The following TBL1Y variants were observed in gnomAD, a reference collection of about 807,000 sequenced individuals.
TBL1Y encodes the protein transducin beta like 1 Y-linked.
In TBL1Y, 15 loss-of-function variants were observed where a neutral mutation model predicts 12.0. The ratio of observed to expected loss-of-function variants is 1.25; its 90% CI spans 0.83 to 1.92. The LOEUF (loss-of-function observed/expected upper bound fraction) is 1.92, where lower values mean the gene tolerates loss of function less well. TBL1Y is among the 40% of genes most tolerant of loss of function. The pLI, the probability that TBL1Y is intolerant of heterozygous loss-of-function variation, is 0.00. For missense variants in TBL1Y, 148 were observed against 116.7 expected (o/e 1.27, Z -1.24); for synonymous variants, 53 against 42.6 (o/e 1.24, Z -0.95).
chrY:6,941,277 T>G, intron 2 of TBL1Y, among the ~76,000 whole-genome samples: 2 of 33,025 alleles, frequency 6.1e-5, no homozygotes, highest in African/African-American at 1.2e-4. Flanking sequence ...TCCCAGCACT[T>G]TGGGAGGCAC....
At chrY:7,018,227 G>A (rs1603038901) in intron 4 of TBL1Y, among the ~76,000 whole-genome samples, 1 of 33,375 alleles carries the variant, frequency 3.0e-5, no homozygotes, top group African/African-American at 1.2e-4. Flanking sequence ...TGTGGTAGAG[G>A]GCTTCTGAAA....
intron 6 of TBL1Y, among the ~76,000 whole-genome samples, chrY:7,026,931 T>C (rs2012628643): frequency 3.0e-5 from 1 of 33,461 alleles, no homozygotes; most frequent in Non-Finnish European, 7.4e-5. Context: ...TGTGGTACTT[T>C]CTTTTTTTGA....
intron 7 of TBL1Y, among the ~76,000 whole-genome samples, chrY:7,062,641 T>C: frequency 3.0e-5 from 1 of 33,093 alleles, no homozygotes; most frequent in African/African-American, 1.2e-4. Context: ...TGAAAAATTC[T>C]CACCTTTTGG....
chrY:7,063,872 G>T (rs749759552), intron 7 of TBL1Y, 25 bp from the exon 8 acceptor site: 1 of 397,590 alleles, frequency 2.5e-6, no homozygotes, highest in Admixed American at 7.4e-5. Context: ...TGAGCTGATG[G>T]CTGTCCCTTG....
intron 2 of TBL1Y, among the ~76,000 whole-genome samples, chrY:6,974,094 A>T (rs749426506): frequency 3.0e-5 from 1 of 33,883 alleles, no homozygotes; most frequent in South Asian, 6.7e-4. Context: ...ATTGCTGTTT[A>T]TTCTACACTT....
intron 4 of TBL1Y, among the ~76,000 whole-genome samples, chrY:7,007,370 C>T (rs757739745): frequency 1.5e-4 from 5 of 33,210 alleles, no homozygotes; most frequent in African/African-American, 5.9e-4. Context: ...AATGTTTGCA[C>T]GTTCATTGTG....
chrY:6,926,826 C>T (rs993390372), intron 2 of TBL1Y, among the ~76,000 whole-genome samples: 1 of 33,517 alleles, frequency 3.0e-5, no homozygotes, highest in South Asian at 6.8e-4. Context: ...TGGTCTTGAT[C>T]TCCTGACCTT....
intron 8 of TBL1Y, among the ~76,000 whole-genome samples, chrY:7,066,829 G>A: frequency 1.5e-4 from 5 of 32,717 alleles, no homozygotes; most frequent in African/African-American, 6.0e-4. Flanking sequence ...AATCAGCCAG[G>A]TGGGGTGGCA....
chrY:7,053,386 T>C (rs2012809267), intron 7 of TBL1Y, among the ~76,000 whole-genome samples: 1 of 32,715 alleles, frequency 3.1e-5, no homozygotes, highest in Admixed American at 2.8e-4. Flanking sequence ...ATCTTAAGAG[T>C]GTCAGATGTC....
intron 7 of TBL1Y, among the ~76,000 whole-genome samples, chrY:7,049,037 C>T: frequency 6.1e-5 from 2 of 32,795 alleles, no homozygotes; most frequent in South Asian, 1.4e-3. Context: ...CCCGCTCCCC[C>T]ACCCCACAAC....
At position 7,070,604 on chromosome Y, in the gene TBL1Y, T is replaced by C. The variant is rs1054787250; in HGVS notation, c.591-116T>C. 3.0e-5 allele frequency: 9 copies of C among 301,733 alleles called. No individual in the cohort carries two copies. In the African/African-American group the frequency reaches 5.7e-4, roughly 19 times the overall value. The allele number at this position is 301,733 out of a possible 400,897, so 75.3% of individuals were successfully genotyped here. Reference sequence around the variant, plus strand: ...GGAGGGAAACAGGGATCCACTGGTATGATAAAGACAGAAGAGCACATGCCT... The same window carrying C: ...GGAGGGAAACAGGGATCCACTGGTACGATAAAGACAGAAGAGCACATGCCT... On this transcript the variant is annotated intron_variant, in intron 9 of 18. Transcript: ENST00000383032.
At chrY:7,081,227 T>C (rs2013097369) in intron 14 of TBL1Y, among the ~76,000 whole-genome samples, 2 of 33,958 alleles carry the variant, frequency 5.9e-5, no homozygotes, top group Non-Finnish European at 1.5e-4. Flanking sequence ...ACACCTATAA[T>C]CCCAGTACTT....
chrY:7,016,698 A>AGGCT (rs2012552882), intron 4 of TBL1Y, among the ~76,000 whole-genome samples: 1 of 33,308 alleles, frequency 3.0e-5, no homozygotes, highest in Non-Finnish European at 7.4e-5. Flanking sequence ...TTAGGCAGGC[A>AGGCT]GGCTCCTGGC....
At chrY:7,024,851 T>C (rs2124152741) in intron 5 of TBL1Y, among the ~76,000 whole-genome samples, 184 bp from the exon 6 acceptor site, 1 of 32,599 alleles carries the variant, frequency 3.1e-5, no homozygotes, top group East Asian at 7.8e-4. Context: ...CCTGGTCTTT[T>C]TTTTTTCTTA....
chrY:7,087,517 C>T, intron 17 of TBL1Y, 85 bp downstream of exon 17: 2 of 303,849 alleles, frequency 6.6e-6, no homozygotes, highest in Non-Finnish European at 9.6e-6. Context: ...AAGCAGTGCC[C>T]TTGAGGGAGT....
intron 7 of TBL1Y, among the ~76,000 whole-genome samples, chrY:7,047,694 G>C (rs2012766696): frequency 3.2e-5 from 1 of 31,526 alleles, no homozygotes; most frequent in Admixed American, 2.9e-4. Context: ...AGTATCAGCT[G>C]CTTTAACATG....
At chrY:6,924,851 A>T (rs945560727) in intron 2 of TBL1Y, among the ~76,000 whole-genome samples, 1 of 33,974 alleles carries the variant, frequency 2.9e-5, no homozygotes, top group Non-Finnish European at 7.3e-5. Flanking sequence ...CTTATCATGC[A>T]TTCTAGTTCT....
At chrY:6,988,665 C>CATAAATAAATAA (rs201788457) in intron 3 of TBL1Y, among the ~76,000 whole-genome samples, 2 of 26,952 alleles carry the variant, frequency 7.4e-5, no homozygotes, top group African/African-American at 2.8e-4. Context: ...GCCTCAAAAA[C>CATAAATAAATAA]ATAAATAAAT....
At chrY:7,031,396 C>T (rs2012654744) in intron 6 of TBL1Y, among the ~76,000 whole-genome samples, 1 of 33,166 alleles carries the variant, frequency 3.0e-5, no homozygotes, top group African/African-American at 1.2e-4. Flanking sequence ...CAGTGCTCCT[C>T]GTATCCTAGG....
Sources: allele counts gnomAD v4.1 joint callset (sites outside exome capture counted in the v4.1 genomes callset), GRCh38; gene constraint gnomAD v4.1.1; transcripts MANE v1.5; gene names NCBI Gene and HGNC (gene_info 2026-07-23, HGNC 2026-07-21).